Variants in PPA1 observed in about 807,000 individuals in gnomAD.
PPA1 encodes the protein inorganic pyrophosphatase.
In PPA1, 23 loss-of-function variants were observed where a neutral mutation model predicts 41.8. The observed-to-expected ratio is 0.55, with a 90% CI of 0.40 to 0.78. The LOEUF (loss-of-function observed/expected upper bound fraction) is 0.78. PPA1 is among the 30% of genes least tolerant of loss of function. The probability of loss-of-function intolerance (pLI) is 0.00; values close to 1 mark genes in which losing one functional copy is unlikely to be tolerated. For missense variants in PPA1, 320 were observed against 361.6 expected (o/e 0.89, Z 0.93); for synonymous variants, 101 against 116.8 (o/e 0.86, Z 0.87).
At chr10:70,222,869 T>G (rs930339187) in intron 2 of PPA1, among the ~76,000 whole-genome samples, 3 of 131,620 alleles carry the variant, frequency 2.3e-5, no homozygotes, top group African/African-American at 5.6e-5. Context: ...GTGTGTGATG[T>G]TCCCCTTCCT....
intron 5 of PPA1, among the ~76,000 whole-genome samples, chr10:70,214,079 C>G (rs764012972): frequency 2.0e-5 from 3 of 152,132 alleles, no homozygotes; most frequent in Non-Finnish European, 2.9e-5. Context: ...TAGAACAACC[C>G]TACTTGATGG....
At chr10:70,221,493 CCTCT>C (rs1180522595) in intron 2 of PPA1, among the ~76,000 whole-genome samples, 1 of 152,080 alleles carries the variant, frequency 6.6e-6, no homozygotes, top group Non-Finnish European at 1.5e-5. Flanking sequence ...TCCCTGTTTC[CCTCT>C]AAAATAACCA....
chr10:70,207,986 T>A (rs1270654218), intron 8 of PPA1, among the ~76,000 whole-genome samples: 1 of 152,074 alleles, frequency 6.6e-6, no homozygotes, highest in Non-Finnish European at 1.5e-5. Context: ...AGTCAGAGGT[T>A]CGAGACCAGC....
chr10:70,204,996 A>G (rs1415431527), intron 9 of PPA1, 81 bp from the exon 10 acceptor site: 2 of 1,070,446 alleles, frequency 1.9e-6, no homozygotes, highest in Non-Finnish European at 2.7e-6. Context: ...AAAATTTAAG[A>G]GAATCTGAAG....
chr10:70,208,880 C>A (rs1839981272), intron 8 of PPA1, among the ~76,000 whole-genome samples: 1 of 151,414 alleles, frequency 6.6e-6, no homozygotes, highest in African/African-American at 2.4e-5. Context: ...GCAGCTTCAA[C>A]CTCCCCAGGC....
intron 4 of PPA1, among the ~76,000 whole-genome samples, chr10:70,216,766 T>C (rs1840086075): frequency 6.6e-6 from 1 of 152,222 alleles, no homozygotes; most frequent in Non-Finnish European, 1.5e-5. Flanking sequence ...TAAATAGATG[T>C]CATTTACTCA....
intron 2 of PPA1, among the ~76,000 whole-genome samples, chr10:70,227,092 T>G (rs146266625): frequency 2.3e-4 from 35 of 152,332 alleles, no homozygotes; most frequent in African/African-American, 7.7e-4. Flanking sequence ...GTTTATACCA[T>G]GTTTTGGAAA....
intron 2 of PPA1, among the ~76,000 whole-genome samples, chr10:70,221,076 A>ATATTTTTTTTTT (rs1224550178): frequency 2.5e-5 from 1 of 40,050 alleles, no homozygotes; most frequent in Non-Finnish European, 3.6e-5. Flanking sequence ...ATATATATAT[A>ATATTTTTTTTTT]TTTTTTTTTT....
In PPA1 at chr10:70,233,351, G is replaced by A. The variant is rs532983912; in HGVS notation, c.-24C>T. On this transcript the variant is annotated 5_prime_UTR_variant, in exon 1 of 11. Transcript: ENST00000373232. ...ATAGTGCCGGAGTCCTGCCGCCGCCGCTGCCACAGAGCCACCAGCCCGCAC... is the reference window on the plus strand; with the variant it reads ...ATAGTGCCGGAGTCCTGCCGCCGCCACTGCCACAGAGCCACCAGCCCGCAC... 2.2e-4 allele frequency: 333 copies of A among 1,532,342 alleles called. 1 individual carries two copies. In the African/African-American group the frequency reaches 3.8e-3, roughly 17 times the overall value. 94.9% of individuals were successfully genotyped at this position (1,532,342 alleles called of 1,614,324 possible).
At chr10:70,210,467 C>T (rs747739153) in intron 6 of PPA1, 406 of 1,349,484 alleles carry the variant, frequency 3.0e-4, no homozygotes, top group East Asian at 9.6e-4. Flanking sequence ...TGATGGGTTA[C>T]GTATTAAATG....
chr10:70,230,367 G>A lies in PPA1; in HGVS notation c.97C>T (p.His33Tyr), dbSNP rs980742623. 3 of 1,613,116 alleles carry A rather than the reference G, an allele frequency of 1.9e-6. No homozygotes were observed. Among genetic ancestry groups the A allele is most frequent in the Non-Finnish European group, 2.5e-6 (3 of 1,179,474 alleles). ...TTATCTGCATAAATTGGAATATCAT[G>A]AAATGGAGATATATATTGTCCTTTC... ...NEKGQYISPF[H>Y]DIPIYADKDV... The change falls in exon 2 of 11, where the codon CAT becomes TAT. Residue 33 changes from histidine to tyrosine, a missense_variant. By Grantham distance (83) the His-to-Tyr change is moderately conservative. Coordinates refer to ENST00000373232, the MANE Select transcript of PPA1 (RefSeq NM_021129.4).
chr10:70,229,103 C>T (rs1298745956), intron 2 of PPA1, among the ~76,000 whole-genome samples: 1 of 152,054 alleles, frequency 6.6e-6, no homozygotes, highest in Non-Finnish European at 1.5e-5. Context: ...TGTTAAGTTG[C>T]TAAATACAGT....
chr10:70,217,736 CCTT>C (rs1564583176), intron 4 of PPA1, 73 bp downstream of exon 4: 1 of 1,307,470 alleles, frequency 7.6e-7, no homozygotes, highest in Non-Finnish European at 1.0e-6. Context: ...GGTATTCAAA[CCTT>C]TTTTACTAAT....
rs748450618 is a variant in PPA1, at chr10:70,203,035, A to G, written c.*120T>C. The G allele has an allele frequency of 2.0e-6, 2 of 998,456 alleles. No homozygotes were observed. Among genetic ancestry groups the G allele is most frequent in the Non-Finnish European group, 3.1e-6 (2 of 648,640 alleles). The allele number at this position is 998,456 out of a possible 1,614,324, so 61.8% of individuals were successfully genotyped here. ...AGTATATTGGATTAGTCACAGCAGAATTTACTTTAGTTAGATGAGTTCTAC... is the reference window on the plus strand; with the variant it reads ...AGTATATTGGATTAGTCACAGCAGAGTTTACTTTAGTTAGATGAGTTCTAC... On this transcript the variant is annotated 3_prime_UTR_variant, in exon 11 of 11. Transcript: ENST00000373232.
At chr10:70,229,391 A>G (rs1292207030) in intron 2 of PPA1, among the ~76,000 whole-genome samples, 1 of 152,210 alleles carries the variant, frequency 6.6e-6, no homozygotes, top group African/African-American at 2.4e-5. Context: ...ACAGCCTCCC[A>G]AGTGGGATTA....
chr10:70,217,527 C>G (rs899883881), intron 4 of PPA1, among the ~76,000 whole-genome samples: 3 of 152,080 alleles, frequency 2.0e-5, no homozygotes, highest in Admixed American at 1.3e-4. Context: ...AGACTTGCAA[C>G]TCAGTCTGTA....
At chr10:70,219,303 A>C (rs1416095235) in intron 2 of PPA1, among the ~76,000 whole-genome samples, 1 of 152,220 alleles carries the variant, frequency 6.6e-6, no homozygotes, top group Non-Finnish European at 1.5e-5. Flanking sequence ...ACAGTTCTTA[A>C]ATAAACGTAA....
At chr10:70,206,883 A>AGGGGAG (rs1839949379) in intron 8 of PPA1, among the ~76,000 whole-genome samples, 1 of 5,506 alleles carries the variant, frequency 1.8e-4, no homozygotes, top group Non-Finnish European at 3.0e-4. Flanking sequence ...AGGGGAGGGG[A>AGGGGAG]GGGGAGGGGA....
Position 70,222,057 on chromosome 10 carries a change from G to A in PPA1, c.124-3240C>T, listed in dbSNP as rs1056999080. Among the ~76,000 whole-genome samples, 8 of 152,050 alleles carry A rather than the reference G, an allele frequency of 5.3e-5. No homozygotes were observed. The East Asian group carries it at 7.7e-4, about 15-fold the overall frequency. ...TTTTAGAAATTAGCTGGGTGAGGCC[G>A]GGGGGTGGTGGCTCACACCTGTAAT... On this transcript the variant is annotated intron_variant, in intron 2 of 10. Transcript: ENST00000373232.
Sources: allele counts gnomAD v4.1 joint callset (sites outside exome capture counted in the v4.1 genomes callset), GRCh38; gene constraint gnomAD v4.1.1; transcripts MANE v1.5; gene names NCBI Gene and HGNC (gene_info 2026-07-23, HGNC 2026-07-21).